The following ADGRL3 variants were observed in gnomAD, a reference collection of about 807,000 sequenced individuals.
ADGRL3 encodes calcium-independent alpha-latrotoxin receptor 3.
In ADGRL3, 62 loss-of-function variants were observed where a neutral mutation model predicts 153.5. The observed-to-expected ratio is 0.40, with a 90% CI of 0.33 to 0.50. ADGRL3 has a LOEUF of 0.50. ADGRL3 is among the 20% of genes least tolerant of loss of function. The probability of loss-of-function intolerance (pLI) is 0.47; values close to 1 mark genes in which losing one functional copy is unlikely to be tolerated. For synonymous variants in ADGRL3, 710 were observed against 672.5 expected (o/e 1.06, Z -0.86); for missense variants, 1,641 against 1,859.4 (o/e 0.88, Z 2.16).
chr4:61,527,232 G>A (rs2098570620), intron 4 of ADGRL3, among the ~76,000 whole-genome samples: 1 of 151,800 alleles, frequency 6.6e-6, no homozygotes. Flanking sequence ...ATACCATTCT[G>A]TCCATCTAAT....
chr4:61,758,808 T>C lies in ADGRL3; in HGVS notation c.1399+25254T>C, dbSNP rs533294475. Among the ~76,000 whole-genome samples the C allele has an allele frequency of 2.6e-5, 4 of 152,372 alleles. No homozygotes were observed. The South Asian group carries it at 8.3e-4, about 32-fold the overall frequency. Reference sequence around the variant, plus strand: ...TTTACAATTTGGCATGATTTTGCAGTGGCTGGAACCGCTTGTTCCTTTCCA... The same window carrying C: ...TTTACAATTTGGCATGATTTTGCAGCGGCTGGAACCGCTTGTTCCTTTCCA... On this transcript the variant is annotated intron_variant, in intron 8 of 26. Transcript: ENST00000683033.
chr4:62,061,605 A>G (rs1179331635), intron 25 of ADGRL3, among the ~76,000 whole-genome samples: 5 of 151,944 alleles, frequency 3.3e-5, no homozygotes, highest in Non-Finnish European at 7.4e-5. Context: ...GACAATACTC[A>G]CTTACCTCCA....
At chr4:62,060,350 A>G (rs1175024606) in intron 25 of ADGRL3, among the ~76,000 whole-genome samples, 1 of 152,020 alleles carries the variant, frequency 6.6e-6, no homozygotes, top group Non-Finnish European at 1.5e-5. Context: ...TAGATAATGT[A>G]TAGCAATGAA....
In ADGRL3 at chr4:61,929,343, T is replaced by C. The variant is rs548811126; in HGVS notation, c.2113-5497T>C. On this transcript the variant is annotated intron_variant, in intron 13 of 26. Coordinates refer to ENST00000683033, the MANE Select transcript of ADGRL3 (RefSeq NM_001387552.1). ...TCCAGAACTGTGAGCAATAAATTTC[T>C]GTGGTTTATAAAATTGTCCAGTCTA... 1.3e-4 allele frequency among the ~76,000 whole-genome samples: 20 copies of C among 152,282 alleles called. No individual in the cohort carries two copies. The East Asian group carries it at 2.1e-3, about 16-fold the overall frequency.
In ADGRL3 at chr4:61,440,089, C is replaced by T. The variant is rs565760426; in HGVS notation, c.-174+56900C>T. 4.6e-3 allele frequency among the ~76,000 whole-genome samples: 705 copies of T among 152,162 alleles called. 5 individuals carry two copies. Among genetic ancestry groups the T allele is most frequent in the Non-Finnish European group, 7.7e-3 (525 of 68,014 alleles). On this transcript the variant is annotated intron_variant, in intron 2 of 26. Coordinates refer to ENST00000683033, the MANE Select transcript of ADGRL3 (RefSeq NM_001387552.1). ...TTTGAGACAGAGTCTTACTCTGTCA[C>T]TCAGGCTGAAGTACAGTAGTGCAAT... is the stretch of plus-strand genomic sequence containing the variant.
At chr4:61,486,985 G>A (rs1038853089) in intron 2 of ADGRL3, among the ~76,000 whole-genome samples, 2 of 152,108 alleles carry the variant, frequency 1.3e-5, no homozygotes, top group African/African-American at 4.8e-5. Context: ...AGATATTGAA[G>A]GCCTGTTTAC....
chr4:61,463,961 C>A (rs1247778074), intron 2 of ADGRL3, among the ~76,000 whole-genome samples: 2 of 152,124 alleles, frequency 1.3e-5, no homozygotes, highest in Non-Finnish European at 2.9e-5. Flanking sequence ...TTTCTTTGAA[C>A]ACTTACTGCA....
intron 5 of ADGRL3, among the ~76,000 whole-genome samples, chr4:61,656,512 T>TA (rs748313321): frequency 2.0e-5 from 3 of 152,102 alleles, no homozygotes; most frequent in Non-Finnish European, 2.9e-5. Flanking sequence ...AAACCACAGG[T>TA]AAAAAATGAC....
chr4:61,540,079 T>C (rs2148613570), intron 4 of ADGRL3, among the ~76,000 whole-genome samples: 1 of 152,300 alleles, frequency 6.6e-6, no homozygotes, highest in Middle Eastern at 3.4e-3. Flanking sequence ...TATGCATGTA[T>C]TAACTCATAA....
intron 2 of ADGRL3, among the ~76,000 whole-genome samples, chr4:61,429,301 A>G (rs552904126): frequency 3.9e-5 from 6 of 152,306 alleles, no homozygotes; most frequent in Admixed American, 2.0e-4. Context: ...ACAACCCTTG[A>G]GTTGTTTTCA....
chr4:61,840,180 A>T (rs1303628023), intron 9 of ADGRL3, among the ~76,000 whole-genome samples: 1 of 152,126 alleles, frequency 6.6e-6, no homozygotes, highest in Non-Finnish European at 1.5e-5. Flanking sequence ...CCTGGGTTCA[A>T]GCCATTCTCC....
At chr4:61,799,633 C>T (rs962520686) in intron 8 of ADGRL3, among the ~76,000 whole-genome samples, 1 of 151,998 alleles carries the variant, frequency 6.6e-6, no homozygotes, top group Non-Finnish European at 1.5e-5. Context: ...GCCCAGCATG[C>T]CTCAGTTAAA....
intron 5 of ADGRL3, among the ~76,000 whole-genome samples, chr4:61,637,977 T>A: frequency 6.6e-6 from 1 of 152,164 alleles, no homozygotes; most frequent in East Asian, 1.9e-4. Context: ...GGATAATAAC[T>A]GTCAGTTTCT....
chr4:62,075,157 A>T lies in ADGRL3; in HGVS notation c.*4249A>T, dbSNP rs1193514794. On this transcript the variant is annotated 3_prime_UTR_variant, in exon 27 of 27. Coordinates refer to ENST00000683033, the MANE Select transcript of ADGRL3 (RefSeq NM_001387552.1). Reference sequence around the variant, plus strand: ...TAGTTTTTAGAAGTTGTCTATCAGTACTGTACCGAAGTGCTACTGCTTGGA... The same window carrying T: ...TAGTTTTTAGAAGTTGTCTATCAGTTCTGTACCGAAGTGCTACTGCTTGGA... 6.6e-6 allele frequency: 1 copy of T among 152,170 alleles called. No homozygotes were observed. Among genetic ancestry groups the T allele is most frequent in the Non-Finnish European group, 1.5e-5 (1 of 68,030 alleles). 9.4% of individuals were successfully genotyped at this position (152,170 alleles called of 1,614,324 possible). A position where few individuals can be genotyped will look rare whatever the true frequency, so the allele number is the denominator to read the frequency against.
chr4:61,955,631 T>G (rs115205349), intron 17 of ADGRL3, among the ~76,000 whole-genome samples: 3,766 of 152,204 alleles, frequency 0.025, 159 homozygotes, highest in African/African-American at 0.087. Context: ...TAGGTATATT[T>G]GTGCCATGGT....
rs540202030 is a variant in ADGRL3, at chr4:62,011,644, T to C, written c.3395+13379T>C. 9.2e-5 allele frequency among the ~76,000 whole-genome samples: 14 copies of C among 152,268 alleles called. No homozygotes were observed. The East Asian group carries it at 2.7e-3, about 29-fold the overall frequency. On this transcript the variant is annotated intron_variant, in intron 21 of 26. Transcript: ENST00000683033. ...CCAAAGGCATCATATTTTAGCGTAG[T>C]ATGTCTGGATCTGTATCAAATAAAT...
intron 2 of ADGRL3, chr4:61,427,611 C>G (rs2097298575): frequency 6.5e-6 from 1 of 152,750 alleles, no homozygotes; most frequent in African/African-American, 2.4e-5. Flanking sequence ...CCCTGGGGCC[C>G]CAGTGGCTGT....
At chr4:61,341,394 TA>T (rs2095804957) in intron 1 of ADGRL3, among the ~76,000 whole-genome samples, 1 of 151,724 alleles carries the variant, frequency 6.6e-6, no homozygotes, top group African/African-American at 2.4e-5. Context: ...GTATGTAAAA[TA>T]AAAAGTATGA....
intron 6 of ADGRL3, among the ~76,000 whole-genome samples, chr4:61,724,112 A>G (rs959856507): frequency 3.9e-5 from 6 of 152,214 alleles, no homozygotes; most frequent in African/African-American, 1.2e-4. Flanking sequence ...GTCTTATACA[A>G]TCTGAGGTAA....
Sources: allele counts gnomAD v4.1 joint callset (sites outside exome capture counted in the v4.1 genomes callset), GRCh38; gene constraint gnomAD v4.1.1; transcripts MANE v1.5; gene names NCBI Gene and HGNC (gene_info 2026-07-23, HGNC 2026-07-21).